The following LRP1 variants were observed in gnomAD, a reference collection of about 807,000 sequenced individuals.
The protein encoded by LRP1 is LDL receptor related protein 1, also known as prolow-density lipoprotein receptor-related protein 1.
Under a neutral mutation model 541.5 loss-of-function variants are expected in LRP1, and 51 were observed. The ratio of observed to expected loss-of-function variants is 0.09; its 90% confidence interval spans 0.08 to 0.12. The LOEUF (loss-of-function observed/expected upper bound fraction) is 0.12. Among genes scored for constraint, LRP1 ranks in the 10% least tolerant of loss-of-function variants. The probability of loss-of-function intolerance (pLI) is 1.00; values close to 1 mark genes in which losing one functional copy is unlikely to be tolerated. For synonymous variants in LRP1, 2,219 were observed against 2,470.8 expected (o/e 0.90, Z 3.02); for missense variants, 3,878 against 6,376.2 (o/e 0.61, Z 13.34).
Position 57,202,544 on chromosome 12 carries a change from C to A in LRP1, c.10711+7C>A. On this transcript the variant is annotated splice_region_variant and intron_variant, in intron 68 of 88. Coordinates refer to ENST00000243077, the MANE Select transcript of LRP1 (RefSeq NM_002332.3). ...TCCGATGAAGAGAGCTGCAGTACGT[C>A]CCCACCCACCCAGCCCCGCATGAGC... The A allele has an allele frequency of 1.2e-6, 1 of 847,928 alleles. No individual in the cohort carries two copies. The highest frequency in any genetic ancestry group is 1.8e-6 in the Non-Finnish European group (1 of 570,130). The allele number at this position is 847,928 out of a possible 1,614,324, so 52.5% of individuals were successfully genotyped here.
At chr12:57,202,996 G>T in intron 68 of LRP1, 185 bp from the exon 69 acceptor site, 1 of 587,902 alleles carries the variant, frequency 1.7e-6, no homozygotes, top group Non-Finnish European at 3.0e-6. Context: ...GTGCGAGCCC[G>T]CCTGTGCCCA....
rs1314512849 is a variant in LRP1 at position 57,180,664 on chromosome 12, C to T, written c.5387-3C>T. 6.2e-7 allele frequency: 1 copy of T among 1,613,892 alleles called. No individual in the cohort carries two copies. Among genetic ancestry groups the T allele is most frequent in the African/African-American group, 1.3e-5 (1 of 74,954 alleles). ...AGGGTCTCATCCCCTCCTGCTGCCC[C>T]AGGGGACAAGCTGTGGTGGGCTGAT... On this transcript the variant is annotated splice_polypyrimidine_tract_variant and splice_region_variant and intron_variant, in intron 32 of 88. Transcript: ENST00000243077.
At chr12:57,167,112 T>G (rs564403295) in intron 18 of LRP1, 66 bp downstream of exon 18, 1 of 1,385,366 alleles carries the variant, frequency 7.2e-7, no homozygotes, top group African/African-American at 1.4e-5. Context: ...AGCATGCCAG[T>G]TGGGGGTGCC....
chr12:57,199,987 G>A lies in LRP1; in HGVS notation c.9976G>A (p.Asp3326Asn), dbSNP rs1437886694. ...ACPTNFYLGS[D>N]GRTCVSNCTA... is the part of the protein sequence containing the mutation. Reference sequence around the variant, plus strand: ...CCCCACCAACTTCTACCTGGGCAGCGATGGGCGCACCTGTGTGTCCAACTG... The same window carrying A: ...CCCCACCAACTTCTACCTGGGCAGCAATGGGCGCACCTGTGTGTCCAACTG... Residue 3326 changes from aspartate (D) to asparagine (N), a missense_variant, in exon 62 of 89, where the codon GAT becomes AAT. By Grantham distance (23) the Asp-to-Asn change is conservative. This residue lies in a region of LRP1 where 278 missense variants were observed against 536.3 expected (regional missense o/e 0.52). Transcript: ENST00000243077. 32 of 1,596,968 alleles carry A rather than the reference G, an allele frequency of 2.0e-5. No homozygotes were observed. The highest frequency in any genetic ancestry group is 2.6e-5 in the Non-Finnish European group (30 of 1,174,850).
intron 61 of LRP1, among the ~76,000 whole-genome samples, 157 bp downstream of exon 61, chr12:57,199,557 G>A (rs1165717303): frequency 1.3e-5 from 2 of 152,152 alleles, no homozygotes; most frequent in Non-Finnish European, 2.9e-5. Flanking sequence ...TGGCTCCCGG[G>A]AGCTTCAGCC....
chr12:57,208,027 C>G lies in LRP1; in HGVS notation c.11860-11C>G. ...AAAGCAGTGGCCCCTGAACCTGTGG[C>G]TTCCATTCAGATTTCAGGGCTGAAG... On this transcript the variant is annotated splice_polypyrimidine_tract_variant and intron_variant, in intron 76 of 88. Transcript: ENST00000243077. The G allele has an allele frequency of 6.2e-7, 1 of 1,613,030 alleles. No homozygotes were observed. Among genetic ancestry groups the G allele is most frequent in the Non-Finnish European group, 8.5e-7 (1 of 1,179,286 alleles).
In LRP1 at chr12:57,211,246, C is replaced by A; in HGVS notation, c.12987C>A (p.Arg4329=). The A allele has an allele frequency of 1.9e-6, 3 of 1,614,216 alleles. No homozygotes were observed. In the South Asian group the frequency reaches 3.3e-5, roughly 18 times the overall value. ...CTGCTGATGGCTCCCGACAATGCCG[C>A]TGCACTGCCTACTTTGAGGGATCGA... ...QMAADGSRQC[R]CTAYFEGSRC... is the part of the protein sequence containing the mutation. The change falls in exon 84 of 89, where the codon CGC becomes CGA. Residue 4329 remains arginine (R), a synonymous_variant. Transcript: ENST00000243077. The surrounding 1 kb of genome is among the most constrained non-coding windows in gnomAD (Gnocchi z 4.3).
chr12:57,181,488 C>T (rs563928110), intron 34 of LRP1, among the ~76,000 whole-genome samples, 197 bp downstream of exon 34: 10 of 152,182 alleles, frequency 6.6e-5, no homozygotes, highest in Non-Finnish European at 1.2e-4. Context: ...GCAGGCAGAT[C>T]GGGGCAGCTG....
chr12:57,191,595 A>G (rs1419183367), intron 44 of LRP1, 83 bp downstream of exon 44: 1 of 1,261,818 alleles, frequency 7.9e-7, no homozygotes, highest in Admixed American at 2.1e-5. Flanking sequence ...CACACATCGC[A>G]CATACCACAC....
At position 57,194,571 on chromosome 12, in the gene LRP1, C is replaced by T. The variant is rs1378806987; in HGVS notation, c.8069-6C>T. 1.2e-6 allele frequency: 2 copies of T among 1,612,536 alleles called. No homozygotes were observed. The highest frequency in any genetic ancestry group is 2.2e-5 in the South Asian group (2 of 91,026). On this transcript the variant is annotated splice_polypyrimidine_tract_variant and splice_region_variant and intron_variant, in intron 49 of 88. Transcript: ENST00000243077. ...GCAGGGCCCTCACACCTGCCTCGCC[C>T]CCCAGGTGTGAAACGCCCCAGATGC...
At chr12:57,170,500 G>T (rs2035923883) in intron 20 of LRP1, among the ~76,000 whole-genome samples, 2 of 151,400 alleles carry the variant, frequency 1.3e-5, no homozygotes, top group South Asian at 4.2e-4. Flanking sequence ...TTAACATAGG[G>T]AGAACCCATC....
chr12:57,159,898 A>G lies in LRP1; in HGVS notation c.1872A>G (p.Lys624=), dbSNP rs766230385. 5.6e-6 allele frequency: 9 copies of G among 1,614,180 alleles called. No individual in the cohort carries two copies. Among genetic ancestry groups the G allele is most frequent in the East Asian group, 4.5e-5 (2 of 44,882 alleles). ...DNLYWTDDGP[K]KTISVARLEK... ...TGTACTGGACGGACGATGGGCCCAA[A>G]AAGACAATCAGCGTGGCCAGGCTGG... The change falls in exon 12 of 89, where the codon AAA becomes AAG. Residue 624 remains lysine, a synonymous_variant. Coordinates refer to ENST00000243077, the MANE Select transcript of LRP1 (RefSeq NM_002332.3).
In LRP1 at chr12:57,200,420, CTTG is replaced by C; in HGVS notation, c.10015-21_10015-19del. On this transcript the variant is annotated intron_variant, in intron 62 of 88. Transcript: ENST00000243077. Reference sequence around the variant, plus strand: ...GTCCCCCAGACCCCCACCAACCCCTCTTGCCCCCACCTGCCCTCCAGTTTGTAT... The same window carrying C: ...GTCCCCCAGACCCCCACCAACCCCTCCCCCCACCTGCCCTCCAGTTTGTAT... The C allele has an allele frequency of 7.3e-7, 1 of 1,366,660 alleles. No individual in the cohort carries two copies. Among genetic ancestry groups the C allele is most frequent in the Non-Finnish European group, 1.0e-6 (1 of 955,542 alleles). The allele number at this position is 1,366,660 out of a possible 1,614,324, so 84.7% of individuals were successfully genotyped here. A position where few individuals can be genotyped will look rare whatever the true frequency, so the allele number is the denominator to read the frequency against.
rs1346466266 is a variant in LRP1 at position 57,156,844 on chromosome 12, G to A, written c.1485G>A (p.Leu495=). Residue 495 remains leucine (L), a synonymous_variant, in exon 10 of 89, where the codon CTG becomes CTA. Transcript: ENST00000243077. This position sits in a 1 kb window ranked among gnomAD's most constrained non-coding sequence, Gnocchi z 5.2. ...GTGGCTGCTCTGACATCTGCCTGCT[G>A]GCCAACAGCCACAAGGCGCGGACCT... is the stretch of plus-strand genomic sequence containing the variant. ...KPGGCSDICL[L]ANSHKARTCR... The A allele has an allele frequency of 1.2e-6, 2 of 1,605,368 alleles. No homozygotes were observed. Among genetic ancestry groups the A allele is most frequent in the Non-Finnish European group, 1.7e-6 (2 of 1,177,932 alleles).
chr12:57,139,912 G>A (rs895476336), intron 2 of LRP1, among the ~76,000 whole-genome samples: 2 of 152,096 alleles, frequency 1.3e-5, no homozygotes, highest in African/African-American at 4.8e-5. Context: ...ACTACCTACC[G>A]CTGCATGCTA....
At chr12:57,142,364 T>C (rs1032102434) in intron 3 of LRP1, among the ~76,000 whole-genome samples, 4 of 152,026 alleles carry the variant, frequency 2.6e-5, no homozygotes, top group Non-Finnish European at 4.4e-5. Flanking sequence ...GGCAGTGTCC[T>C]GTGCTGTGTG....
At position 57,162,111 on chromosome 12, in the gene LRP1, T is replaced by C. The variant is rs1435044687; in HGVS notation, c.2203-206T>C. ...TGGACAACCTCACCATCAGCATCCT[T>C]GCTGGATCACTCGATCACCCGCTGG... On this transcript the variant is annotated intron_variant, in intron 13 of 88. Coordinates refer to ENST00000243077, the MANE Select transcript of LRP1 (RefSeq NM_002332.3). The surrounding 1 kb of genome is among the most constrained non-coding windows in gnomAD (Gnocchi z 5.2). Among the ~76,000 whole-genome samples, 1 of 152,070 alleles carries C rather than the reference T, an allele frequency of 6.6e-6. No individual in the cohort carries two copies. The highest frequency in any genetic ancestry group is 1.5e-5 in the Non-Finnish European group (1 of 68,010).
chr12:57,204,677 G>A lies in LRP1; in HGVS notation c.11122G>A (p.Val3708Ile), dbSNP rs771787312. The A allele has an allele frequency of 1.2e-5, 20 of 1,613,926 alleles. No individual in the cohort carries two copies. The highest frequency in any genetic ancestry group is 3.3e-4 in the Middle Eastern group (2 of 6,082). ...GCCCTTCCGTTGCAAGAATGACCGC[G>A]TCTGTCTGTGGATCGGGCGCCAATG... ...NRPFRCKNDR[V>I]CLWIGRQCDG... Residue 3708 changes from valine (V) to isoleucine (I), a missense_variant, in exon 72 of 89, where the codon GTC becomes ATC. Around this residue, in one of 13 missense-constraint regions of LRP1, gnomAD observed 871 missense variants for 1,212.4 expected, o/e 0.72. Transcript: ENST00000243077. The surrounding 1 kb of genome is among the most constrained non-coding windows in gnomAD (Gnocchi z 5.3).
At chr12:57,152,488 C>T (rs968451958) in intron 6 of LRP1, among the ~76,000 whole-genome samples, 2 of 152,142 alleles carry the variant, frequency 1.3e-5, no homozygotes, top group Non-Finnish European at 2.9e-5. Context: ...CTTCGATTTC[C>T]TTTGGAGGCA....
Sources: gnomAD v4.1 joint callset for allele counts (sites outside exome capture counted in the v4.1 genomes callset) on GRCh38, gnomAD v4.1.1 for gene constraint, gnomAD v4.1.1 regional missense constraint, Gnocchi (gnomAD v3.1) non-coding constraint, MANE v1.5 for transcripts, NCBI Gene and HGNC (gene_info 2026-07-23, HGNC 2026-07-21) for gene names.